The following MKLN1 variants were observed in gnomAD, a reference collection of about 807,000 sequenced individuals.
The protein encoded by MKLN1 is muskelin.
Under a neutral mutation model 99.0 loss-of-function variants are expected in MKLN1, and 18 were observed. That is an observed-to-expected ratio of 0.18 (90% CI 0.13 to 0.27). MKLN1 has a LOEUF of 0.27. Among genes scored for constraint, MKLN1 ranks in the 10% least tolerant of loss-of-function variants. The pLI, the probability that MKLN1 is intolerant of heterozygous loss-of-function variation, is 1.00. For missense variants in MKLN1, 621 were observed against 875.9 expected (o/e 0.71, Z 3.67); for synonymous variants, 288 against 293.2 (o/e 0.98, Z 0.18).
intron 2 of MKLN1, among the ~76,000 whole-genome samples, chr7:131,148,679 G>A (rs1359173306): frequency 6.6e-6 from 1 of 152,060 alleles, no homozygotes; most frequent in East Asian, 1.9e-4. Flanking sequence ...AGGCTGAAGT[G>A]GAAGAATCAC....
intron 3 of MKLN1, among the ~76,000 whole-genome samples, chr7:131,259,155 A>G (rs180772978): frequency 7.3e-4 from 111 of 152,270 alleles, no homozygotes; most frequent in Non-Finnish European, 2.6e-4. Context: ...TCAGATTTAC[A>G]TAGCTATGAC....
chr7:131,156,686 C>T (rs987095067), intron 2 of MKLN1, among the ~76,000 whole-genome samples: 3 of 152,086 alleles, frequency 2.0e-5, no homozygotes, highest in African/African-American at 4.8e-5. Context: ...TCTGCTAAGC[C>T]GCGATGTGCA....
chr7:131,431,170 C>T (rs548988325), intron 9 of MKLN1, among the ~76,000 whole-genome samples: 4 of 151,458 alleles, frequency 2.6e-5, no homozygotes, highest in Non-Finnish European at 4.4e-5. Context: ...TGCAGTGAGC[C>T]GAGATGGCAC....
intron 4 of MKLN1, among the ~76,000 whole-genome samples, chr7:131,394,171 A>G (rs1420708511): frequency 1.3e-5 from 2 of 152,104 alleles, no homozygotes; most frequent in Admixed American, 6.5e-5. Context: ...ACTTTTTGAA[A>G]TGTGTGTTGT....
chr7:131,267,939 T>C (rs996299616), intron 3 of MKLN1, among the ~76,000 whole-genome samples: 3 of 152,212 alleles, frequency 2.0e-5, no homozygotes, highest in Non-Finnish European at 2.9e-5. Flanking sequence ...ATTTAAAAAA[T>C]ATTACGTACC....
chr7:131,375,552 A>G, intron 2 of MKLN1, 59 bp downstream of exon 2: 4 of 986,152 alleles, frequency 4.1e-6, no homozygotes, highest in Admixed American at 1.8e-5. Flanking sequence ...TAAACACTCA[A>G]TTGATACTAG....
At chr7:131,421,575 G>A (rs1795193437) in intron 8 of MKLN1, among the ~76,000 whole-genome samples, 1 of 152,108 alleles carries the variant, frequency 6.6e-6, no homozygotes, top group African/African-American at 2.4e-5. Context: ...CTAAGTAATT[G>A]TGAGAGTTAA....
intron 1 of MKLN1, among the ~76,000 whole-genome samples, chr7:131,115,819 C>T (rs534031629): frequency 2.6e-5 from 4 of 152,268 alleles, no homozygotes; most frequent in African/African-American, 7.2e-5. Context: ...GCTTATATGT[C>T]ACCTCCTCAA....
At chr7:131,376,905 A>G (rs934367265) in intron 2 of MKLN1, among the ~76,000 whole-genome samples, 2 of 152,172 alleles carry the variant, frequency 1.3e-5, no homozygotes, top group South Asian at 2.1e-4. Context: ...TTGACTTTAT[A>G]AAAATAAAAT....
chr7:131,469,881 C>CT (rs11437302), intron 15 of MKLN1, among the ~76,000 whole-genome samples: 138,199 of 146,710 alleles, frequency 0.94, 65,075 homozygotes, highest in South Asian at 0.99. Context: ...CTCAGTTTTG[C>CT]TTTTTTTTTT....
chr7:131,321,108 T>G (rs1250575214), intron 3 of MKLN1, among the ~76,000 whole-genome samples: 1 of 152,146 alleles, frequency 6.6e-6, no homozygotes, highest in Non-Finnish European at 1.5e-5. Context: ...TATAAATCAT[T>G]CTGGTATAAA....
At chr7:131,449,477 G>A (rs2116539714) in intron 12 of MKLN1, among the ~76,000 whole-genome samples, 1 of 152,274 alleles carries the variant, frequency 6.6e-6, no homozygotes, top group South Asian at 2.1e-4. Context: ...CCTGTGAGTT[G>A]CATTGTTCAA....
At chr7:131,219,208 A>AT (rs35802192) in intron 3 of MKLN1, among the ~76,000 whole-genome samples, 43,826 of 146,234 alleles carry the variant, frequency 0.3, 6,685 homozygotes, top group South Asian at 0.46. Flanking sequence ...TATTTTGGGT[A>AT]TTTTTTACCA....
intron 8 of MKLN1, among the ~76,000 whole-genome samples, chr7:131,420,954 TATGTC>T (rs1216012108): frequency 6.6e-6 from 1 of 152,216 alleles, no homozygotes; most frequent in African/African-American, 2.4e-5. Flanking sequence ...ATCAGGTTAT[TATGTC>T]ATTTATTATA....
intron 1 of MKLN1, among the ~76,000 whole-genome samples, chr7:131,339,940 G>T (rs984100787): frequency 6.6e-6 from 1 of 151,332 alleles, no homozygotes; most frequent in Admixed American, 6.6e-5. Flanking sequence ...TATTTATTAT[G>T]GCCAGTATCA....
intron 3 of MKLN1, among the ~76,000 whole-genome samples, chr7:131,267,929 A>C (rs969312042): frequency 2.0e-5 from 3 of 152,244 alleles, no homozygotes; most frequent in African/African-American, 7.2e-5. Flanking sequence ...TTTTATAATA[A>C]TTTAAAAAAT....
chr7:131,431,449 G>A (rs193101616), intron 9 of MKLN1, among the ~76,000 whole-genome samples: 21 of 152,244 alleles, frequency 1.4e-4, no homozygotes, highest in African/African-American at 4.6e-4. Flanking sequence ...GTTTGGCCGG[G>A]CTCATTCATT....
In MKLN1 at chr7:131,464,295, T is replaced by A; in HGVS notation, c.1675T>A (p.Ser559Thr). 6.3e-7 allele frequency: 1 copy of A among 1,590,396 alleles called. No homozygotes were observed. The highest frequency in any genetic ancestry group is 8.6e-7 in the Non-Finnish European group (1 of 1,159,096). The part of the protein sequence containing the change: ...WIYDIVRNSW[S>T]CVYKNDQAAK... ...TGCCTTAAAAGCAATGTCTTGCAGG[T>A]CTTGTGTCTATAAGAATGATCAAGC... Residue 559 changes from serine (S) to threonine (T), a missense_variant and splice_region_variant, in exon 14 of 18, where the codon TCT becomes ACT. Physicochemically the swap from Ser to Thr is moderately conservative, Grantham distance 58 (BLOSUM62 1). Transcript: ENST00000352689.
chr7:131,298,618 A>T (rs2116613737), intron 3 of MKLN1, among the ~76,000 whole-genome samples: 1 of 152,338 alleles, frequency 6.6e-6, no homozygotes, highest in African/African-American at 2.4e-5. Context: ...TTGTTTGTTT[A>T]CAGTTTTCAA....
Sources: allele counts gnomAD v4.1 joint callset (sites outside exome capture counted in the v4.1 genomes callset), GRCh38; gene constraint gnomAD v4.1.1; transcripts MANE v1.5; gene names NCBI Gene and HGNC (gene_info 2026-07-23, HGNC 2026-07-21).